The following NPHP1 variants were observed in gnomAD, a reference collection of about 807,000 sequenced individuals.
The protein encoded by NPHP1 is nephrocystin 1, also known as nephrocystin-1.
In NPHP1, 70 loss-of-function variants were observed where a neutral mutation model predicts 90.4. That is an observed-to-expected ratio of 0.77 (90% CI 0.64 to 0.95). NPHP1 has a LOEUF of 0.95. NPHP1 is among the 40% of genes least tolerant of loss of function. The pLI, the probability that NPHP1 is intolerant of heterozygous loss-of-function variation, is 0.00. For missense variants in NPHP1, 764 were observed against 795.9 expected, an observed-to-expected ratio of 0.96 and a Z score of 0.48; for synonymous variants, 256 against 271.7, an observed-to-expected ratio of 0.94 and a Z score of 0.57.
At chr2:110,201,590 T>G in intron 1 of NPHP1, 96 bp from the exon 2 acceptor site, 1 of 860,110 alleles carries the variant, frequency 1.2e-6, no homozygotes, top group Non-Finnish European at 1.8e-6. Context: ...ATGAACACTT[T>G]TAAACATACA....
At chr2:110,144,737 C>G (rs901360783) in intron 14 of NPHP1, among the ~76,000 whole-genome samples, 168 bp from the exon 15 acceptor site, 2 of 152,056 alleles carry the variant, frequency 1.3e-5, no homozygotes, top group African/African-American at 4.8e-5. Context: ...ACTATCTGGG[C>G]AAATAAACAG....
intron 16 of NPHP1, among the ~76,000 whole-genome samples, chr2:110,136,275 T>C (rs1255222825): frequency 2.0e-5 from 3 of 151,956 alleles, no homozygotes; most frequent in Non-Finnish European, 2.9e-5. Flanking sequence ...GACAGGGATG[T>C]CCTCTCTCAC....
At chr2:110,179,045 AGG>A (rs1683700928) in intron 3 of NPHP1, 1 of 157,692 alleles carries the variant, frequency 6.3e-6, no homozygotes, top group Non-Finnish European at 1.4e-5. Context: ...GATGCAGTAA[AGG>A]GGAGTAATAT....
chr2:110,204,867 C>T (rs897463513), intron 1 of NPHP1, 33 bp downstream of exon 1: 3 of 1,609,960 alleles, frequency 1.9e-6, no homozygotes, highest in African/African-American at 2.7e-5. Context: ...GCCTGTCGCC[C>T]GCCCCAGGGC....
rs576951590 is a variant in NPHP1, at chr2:110,195,110, C to T, written c.143+6311G>A. Among the ~76,000 whole-genome samples the T allele has an allele frequency of 2.0e-4, 31 of 152,052 alleles. No homozygotes were observed. The East Asian group carries it at 3.5e-3, about 17-fold the overall frequency. ...TGAAAACTGGCACAAGACAGGGATG[C>T]CCTCTCTCACCACTCCTATTCAACA... On this transcript the variant is annotated intron_variant, in intron 2 of 19. Coordinates refer to ENST00000445609, the MANE Select transcript of NPHP1 (RefSeq NM_001128178.3).
At chr2:110,190,403 G>T (rs1266747127) in intron 2 of NPHP1, among the ~76,000 whole-genome samples, 3 of 152,206 alleles carry the variant, frequency 2.0e-5, no homozygotes, top group Non-Finnish European at 4.4e-5. Flanking sequence ...GGCCGGGTGA[G>T]AAATTGAGCA....
At chr2:110,170,933 A>T (rs1358569594) in intron 4 of NPHP1, among the ~76,000 whole-genome samples, 2 of 152,110 alleles carry the variant, frequency 1.3e-5, no homozygotes. Flanking sequence ...GGCTGAAAAG[A>T]GGTACGCGGA....
chr2:110,172,694 G>A (rs1368567984), intron 4 of NPHP1, among the ~76,000 whole-genome samples: 1 of 152,028 alleles, frequency 6.6e-6, no homozygotes, highest in Non-Finnish European at 1.5e-5. Flanking sequence ...GAGGTGGAGA[G>A]GATCACTAGA....
chr2:110,187,672 C>T (rs1438205480), intron 2 of NPHP1, among the ~76,000 whole-genome samples: 1 of 152,050 alleles, frequency 6.6e-6, no homozygotes, highest in African/African-American at 2.4e-5. Context: ...TGATTGTATC[C>T]AGCATCCTCC....
chr2:110,183,120 AAG>A (rs1684025800), intron 2 of NPHP1, among the ~76,000 whole-genome samples: 2 of 152,206 alleles, frequency 1.3e-5, no homozygotes, highest in Admixed American at 6.5e-5. Context: ...CACCCAAAAA[AAG>A]AGCACCCATG....
At chr2:110,171,059 G>C (rs980243132) in intron 4 of NPHP1, among the ~76,000 whole-genome samples, 4 of 152,106 alleles carry the variant, frequency 2.6e-5, no homozygotes, top group Non-Finnish European at 5.9e-5. Context: ...GAACAGATTA[G>C]AAGAAAGGCT....
chr2:110,149,752 T>A (rs540460937), intron 12 of NPHP1, among the ~76,000 whole-genome samples: 4 of 152,282 alleles, frequency 2.6e-5, no homozygotes, highest in Admixed American at 1.3e-4. Context: ...CCTACGTCTA[T>A]GCAATGCTGA....
chr2:110,126,948 A>G (rs552320261), intron 18 of NPHP1: 4 of 152,604 alleles, frequency 2.6e-5, no homozygotes, highest in Non-Finnish European at 5.9e-5. Flanking sequence ...AGGATGTTTC[A>G]CTTAGAGTAA....
chr2:110,158,645 G>C (rs961368949), intron 11 of NPHP1, among the ~76,000 whole-genome samples: 1 of 151,808 alleles, frequency 6.6e-6, no homozygotes, highest in Non-Finnish European at 1.5e-5. Context: ...TATTTAAGGT[G>C]GGCTTCTTAT....
At chr2:110,135,214 A>C (rs1003603748) in intron 16 of NPHP1, among the ~76,000 whole-genome samples, 1 of 152,110 alleles carries the variant, frequency 6.6e-6, no homozygotes, top group Non-Finnish European at 1.5e-5. Flanking sequence ...AAATTTAAAA[A>C]TATAAAAAAT....
intron 8 of NPHP1, chr2:110,164,440 G>T (rs1389276518): frequency 1.3e-6 from 1 of 767,160 alleles, no homozygotes; most frequent in Non-Finnish European, 2.3e-6. Context: ...CAATGAGAAT[G>T]TTTCCAAGTC....
At chr2:110,151,510 A>G (rs1193985045) in intron 11 of NPHP1, among the ~76,000 whole-genome samples, 2 of 152,170 alleles carry the variant, frequency 1.3e-5, no homozygotes, top group African/African-American at 4.8e-5. Context: ...AACACTTCCA[A>G]AACAAAGCTT....
At chr2:110,184,582 T>C in intron 2 of NPHP1, 1 of 1,252,814 alleles carries the variant, frequency 8.0e-7, no homozygotes, top group Middle Eastern at 1.9e-4. Context: ...GGCTTTGCCA[T>C]GCCCCACTCC....
intron 16 of NPHP1, among the ~76,000 whole-genome samples, chr2:110,133,293 C>G (rs1285142095): frequency 6.6e-6 from 1 of 151,988 alleles, no homozygotes; most frequent in Non-Finnish European, 1.5e-5. Flanking sequence ...TCAAGCCCCC[C>G]AAAAGTTACA....
Sources: gnomAD v4.1 joint callset for allele counts (sites outside exome capture counted in the v4.1 genomes callset) on GRCh38, gnomAD v4.1.1 for gene constraint, MANE v1.5 for transcripts, NCBI Gene and HGNC (gene_info 2026-07-23, HGNC 2026-07-21) for gene names.